KCNT1: variants seen among roughly 807,000 people sequenced by gnomAD.
The protein encoded by KCNT1 is potassium channel subfamily T member 1.
In KCNT1, 78 loss-of-function variants were observed where a neutral mutation model predicts 147.8. The ratio of observed to expected loss-of-function variants is 0.53; its 90% confidence interval spans 0.44 to 0.64. The LOEUF is 0.64. Ranked by LOEUF, KCNT1 falls within the 30% of genes least tolerant of loss-of-function variation. The pLI is 0.00. For missense variants in KCNT1, 1,419 were observed against 1,750.3 expected, an observed-to-expected ratio of 0.81 and a Z score of 3.38; for synonymous variants, 867 against 748.8, an observed-to-expected ratio of 1.16 and a Z score of -2.58.
At chr9:135,731,960 G>GTATATATATATA (rs776201547) in intron 2 of KCNT1, among the ~76,000 whole-genome samples, 469 of 41,178 alleles carry the variant, frequency 0.011, 23 homozygotes, top group Non-Finnish European at 0.016. Context: ...AAATATGCGT[G>GTATATATATATA]TATATATATA....
intron 1 of KCNT1, among the ~76,000 whole-genome samples, chr9:135,713,537 C>T (rs993786095): frequency 6.6e-6 from 1 of 152,204 alleles, no homozygotes; most frequent in East Asian, 1.9e-4. Flanking sequence ...TTTGTAGCAT[C>T]CCTGGACCTG....
In KCNT1 at chr9:135,778,259, A is replaced by C. The variant is rs1165681842; in HGVS notation, c.2523-165A>C. Reference sequence around the variant, plus strand: ...CCTTGGTTTCCCCTTGAATAAAATAAAGAATGGCCCACTGGCCTTAAAGTA... The same window carrying C: ...CCTTGGTTTCCCCTTGAATAAAATACAGAATGGCCCACTGGCCTTAAAGTA... On this transcript the variant is annotated intron_variant, in intron 21 of 30. Transcript: ENST00000371757. The C allele has an allele frequency of 9.6e-6, 6 of 624,432 alleles. No individual in the cohort carries two copies. The East Asian group carries it at 1.1e-4, about 12-fold the overall frequency. The allele number at this position is 624,432 out of a possible 1,614,324, so 38.7% of individuals were successfully genotyped here. A position where few individuals can be genotyped will look rare whatever the true frequency, so the allele number is the denominator to read the frequency against.
chr9:135,770,093 CGG>C (rs912797822), intron 16 of KCNT1, 38 bp downstream of exon 16: 212 of 1,512,424 alleles, frequency 1.4e-4, no homozygotes, highest in Non-Finnish European at 1.8e-4. Flanking sequence ...ACCTCCATGG[CGG>C]GGCCGGCGCA....
At chr9:135,791,620 A>C in intron 29 of KCNT1, 177 bp from the exon 30 acceptor site, 1 of 603,478 alleles carries the variant, frequency 1.7e-6, no homozygotes, top group Non-Finnish European at 3.0e-6. Flanking sequence ...GAGATGGGAC[A>C]GGTGTCGGTC....
At chr9:135,709,228 A>G (rs962724328) in intron 1 of KCNT1, among the ~76,000 whole-genome samples, 8 of 152,134 alleles carry the variant, frequency 5.3e-5, no homozygotes, top group Non-Finnish European at 1.0e-4. Context: ...AATGGGGTTC[A>G]TTATATGCCA....
At position 135,792,042 on chromosome 9, in the gene KCNT1, T is replaced by G; in HGVS notation, c.3589T>G (p.Tyr1197Asp). The change falls in exon 31 of 31, where the codon TAT (tyrosine) becomes GAT (aspartate). Residue 1197 changes from tyrosine to aspartate, a missense_variant and splice_region_variant. By Grantham distance (160) the Tyr-to-Asp change is radical. Coordinates refer to ENST00000371757, the MANE Select transcript of KCNT1 (RefSeq NM_020822.3). Reference protein sequence around the residue: ...DTRLEPSDIVYLIRSDPLAHV... With the variant: ...DTRLEPSDIVDLIRSDPLAHV... ...AGGGTCCTCTGTGCCCTCCCGCAGC[T>G]ATCTCATCCGCTCCGACCCCCTGGC... 6.2e-7 allele frequency: 1 copy of G among 1,604,034 alleles called. No homozygotes were observed. Among genetic ancestry groups the G allele is most frequent in the African/African-American group, 1.3e-5 (1 of 75,002 alleles).
At chr9:135,720,906 C>CTA (rs1309731162) in intron 2 of KCNT1, among the ~76,000 whole-genome samples, 2 of 152,242 alleles carry the variant, frequency 1.3e-5, no homozygotes, top group Non-Finnish European at 2.9e-5. Context: ...GTGACAGACT[C>CTA]AGGTGTAGCT....
At chr9:135,790,120 T>G (rs1834382444) in intron 29 of KCNT1, 2 of 151,732 alleles carry the variant, frequency 1.3e-5, no homozygotes, top group Non-Finnish European at 2.9e-5. Context: ...GGCCAGTCTG[T>G]GCCTGCCGGA....
chr9:135,735,427 G>A (rs1830293210), intron 2 of KCNT1, among the ~76,000 whole-genome samples: 2 of 152,218 alleles, frequency 1.3e-5, no homozygotes, highest in Non-Finnish European at 2.9e-5. Context: ...CTGCCTGTCA[G>A]GGACCTGCCG....
intron 29 of KCNT1, chr9:135,788,067 T>G (rs574841692): frequency 1.0e-5 from 16 of 1,523,898 alleles, no homozygotes; most frequent in Non-Finnish European, 1.5e-5. Flanking sequence ...CTCTCTCTCT[T>G]TCTGTCTGTG....
chr9:135,759,987 G>C, intron 11 of KCNT1, 128 bp downstream of exon 11: 3 of 881,738 alleles, frequency 3.4e-6, no homozygotes, highest in Non-Finnish European at 5.0e-6. Context: ...AGTGAGGCCA[G>C]GCGGGTGGTG....
chr9:135,737,617 C>A (rs1830396656), intron 2 of KCNT1, among the ~76,000 whole-genome samples: 1 of 152,016 alleles, frequency 6.6e-6, no homozygotes. Flanking sequence ...CCGGGACAAG[C>A]ATGGGGAGAT....
intron 24 of KCNT1, among the ~76,000 whole-genome samples, chr9:135,781,639 TAA>T (rs5901090): frequency 2.1e-5 from 3 of 143,926 alleles, no homozygotes; most frequent in Admixed American, 6.9e-5. Flanking sequence ...ATACTGAAAG[TAA>T]AAAAAAAAAA....
chr9:135,733,301 C>G (rs35508933), intron 2 of KCNT1, among the ~76,000 whole-genome samples: 1 of 92,652 alleles, frequency 1.1e-5, no homozygotes. Context: ...TGCCCCTGCA[C>G]CTCCCCCCAC....
At chr9:135,773,638 C>T (rs1237484107) in intron 19 of KCNT1, among the ~76,000 whole-genome samples, 4 of 152,290 alleles carry the variant, frequency 2.6e-5, no homozygotes, top group Non-Finnish European at 4.4e-5. Context: ...TCAGCCAGGA[C>T]AGACAAGTGC....
intron 1 of KCNT1, among the ~76,000 whole-genome samples, chr9:135,712,988 C>T (rs1835562895): frequency 1.3e-5 from 2 of 152,216 alleles, no homozygotes; most frequent in South Asian, 4.1e-4. Flanking sequence ...CCTGGTGACT[C>T]CTGAAGCAAG....
chr9:135,765,929 C>A (rs1832241599), intron 13 of KCNT1, among the ~76,000 whole-genome samples, 169 bp downstream of exon 13: 1 of 151,968 alleles, frequency 6.6e-6, no homozygotes, highest in African/African-American at 2.4e-5. Flanking sequence ...GGTGGATCGT[C>A]CGGGGTGGAC....
At chr9:135,784,449 T>C in intron 25 of KCNT1, 86 bp from the exon 26 acceptor site, 1 of 994,512 alleles carries the variant, frequency 1.0e-6, no homozygotes, top group South Asian at 1.5e-5. Flanking sequence ...TATGGACCTG[T>C]GTCCCACGCC....
chr9:135,725,119 C>T (rs1045341303), intron 2 of KCNT1, among the ~76,000 whole-genome samples: 4 of 152,326 alleles, frequency 2.6e-5, no homozygotes, highest in Admixed American at 1.3e-4. Flanking sequence ...ATGGCCCAAC[C>T]GCCTCCCTGC....
Sources: gnomAD v4.1 joint callset for allele counts (sites outside exome capture counted in the v4.1 genomes callset) on GRCh38, gnomAD v4.1.1 for gene constraint, MANE v1.5 for transcripts, NCBI Gene and HGNC (gene_info 2026-07-23, HGNC 2026-07-21) for gene names.